The following ERLIN1 variants were observed in gnomAD, a reference collection of about 807,000 sequenced individuals.
The protein encoded by ERLIN1 is erlin-1.
ERLIN1 carries 24 observed loss-of-function variants against 46.9 expected under a neutral mutation model. The ratio of observed to expected loss-of-function variants is 0.51; its 90% CI spans 0.37 to 0.72. The LOEUF (loss-of-function observed/expected upper bound fraction) is 0.72, where lower values mean the gene tolerates loss of function less well. Ranked by LOEUF, ERLIN1 falls within the 30% of genes least tolerant of loss-of-function variation. ERLIN1 has a pLI of 0.00. For synonymous variants in ERLIN1, 158 were observed against 143.2 expected, an observed-to-expected ratio of 1.10 and a Z score of -0.74; for missense variants, 293 against 417.9, an observed-to-expected ratio of 0.70 and a Z score of 2.61.
chr10:100,155,082 A>G lies in ERLIN1; in HGVS notation c.746-143T>C, dbSNP rs192374885. On this transcript the variant is annotated intron_variant, in intron 9 of 10. Coordinates refer to ENST00000421367, the MANE Select transcript of ERLIN1 (RefSeq NM_006459.4). ...AGCAGTTTTCAAGTCCCAGTCCCCAAACAGCAACTTCTCTACGAGGAATAC... is the reference window on the plus strand; with the variant it reads ...AGCAGTTTTCAAGTCCCAGTCCCCAGACAGCAACTTCTCTACGAGGAATAC... 8.0e-4 allele frequency: 512 copies of G among 637,268 alleles called. 1 individual carries two copies. Among genetic ancestry groups the G allele is most frequent in the Non-Finnish European group, 1.3e-3 (470 of 360,598 alleles). 39.5% of individuals were successfully genotyped at this position (637,268 alleles called of 1,614,324 possible).
At chr10:100,175,501 T>A (rs1214577997) in intron 5 of ERLIN1, among the ~76,000 whole-genome samples, 1 of 152,214 alleles carries the variant, frequency 6.6e-6, no homozygotes, top group Non-Finnish European at 1.5e-5. Flanking sequence ...CTTGGAAGCC[T>A]GCACCTGCTT....
At chr10:100,174,876 T>C (rs1011187627) in intron 5 of ERLIN1, among the ~76,000 whole-genome samples, 2 of 152,194 alleles carry the variant, frequency 1.3e-5, no homozygotes, top group Admixed American at 1.3e-4. Context: ...CTTGTAACTA[T>C]GCACTTTCTA....
chr10:100,152,257 G>A lies in ERLIN1; in HGVS notation c.921C>T (p.Phe307=), dbSNP rs1429094011. The part of the protein sequence containing the change: ...IYFGSNIPNM[F]VDSSCALKYS... Reference sequence around the variant, plus strand: ...ATTTCAAAGCACATGAGGAGTCCACGAACATGTTAGGGATGTTGCTGCCAA... The same window carrying A: ...ATTTCAAAGCACATGAGGAGTCCACAAACATGTTAGGGATGTTGCTGCCAA... Residue 307 remains phenylalanine, a synonymous_variant, in exon 11 of 11, where the codon TTC becomes TTT. Transcript: ENST00000421367. The A allele has an allele frequency of 5.6e-6, 9 of 1,611,272 alleles. No individual in the cohort carries two copies. The East Asian group carries it at 8.9e-5, about 16-fold the overall frequency.
rs1384454002 is a variant in ERLIN1 at position 100,151,369 on chromosome 10, C to CAATGCAGGG, written c.*753_*761dup. 1 of 153,132 alleles carries CAATGCAGGG rather than the reference C, an allele frequency of 6.5e-6. No homozygotes were observed. Among genetic ancestry groups the CAATGCAGGG allele is most frequent in the Non-Finnish European group, 1.5e-5 (1 of 68,654 alleles). 9.5% of individuals were successfully genotyped at this position (153,132 alleles called of 1,614,324 possible). A position where few individuals can be genotyped will look rare whatever the true frequency, so the allele number is the denominator to read the frequency against. The stretch of plus-strand genomic sequence containing the variant: ...GCAGTGATGCTGACAGTCATCAACC[C>CAATGCAGGG]AATGCAGGGAATGCAAGGCCCCAGA... On this transcript the variant is annotated 3_prime_UTR_variant, in exon 11 of 11. Coordinates refer to ENST00000421367, the MANE Select transcript of ERLIN1 (RefSeq NM_006459.4).
At chr10:100,178,807 G>C (rs542417847) in intron 3 of ERLIN1, among the ~76,000 whole-genome samples, 2 of 152,130 alleles carry the variant, frequency 1.3e-5, no homozygotes, top group Non-Finnish European at 2.9e-5. Context: ...AGGAAACTAA[G>C]CTTTAAAGTG....
chr10:100,182,395 GT>G (rs915138427), intron 2 of ERLIN1, among the ~76,000 whole-genome samples: 5 of 152,024 alleles, frequency 3.3e-5, no homozygotes, highest in Non-Finnish European at 5.9e-5. Flanking sequence ...TGTTTCGGCT[GT>G]TGATGAGGTT....
chr10:100,183,866 A>C, intron 1 of ERLIN1, 29 bp from the exon 2 acceptor site: 1 of 1,519,700 alleles, frequency 6.6e-7, no homozygotes, highest in Non-Finnish European at 9.1e-7. Flanking sequence ...ATTTGACAAA[A>C]TTATAAAAAG....
chr10:100,178,369 T>C (rs956881952), intron 3 of ERLIN1, among the ~76,000 whole-genome samples, 175 bp from the exon 4 acceptor site: 1 of 152,246 alleles, frequency 6.6e-6, no homozygotes, highest in South Asian at 2.1e-4. Context: ...ATGTCTTTTT[T>C]ACACTTGTAA....
intron 2 of ERLIN1, 93 bp downstream of exon 2, chr10:100,183,663 A>T: frequency 1.3e-6 from 1 of 770,334 alleles, no homozygotes; most frequent in South Asian, 1.7e-5. Context: ...CCATCTGCTT[A>T]AGCAATAAGG....
At chr10:100,183,567 T>C (rs1374730279) in intron 2 of ERLIN1, among the ~76,000 whole-genome samples, 189 bp downstream of exon 2, 1 of 152,232 alleles carries the variant, frequency 6.6e-6, no homozygotes, top group Non-Finnish European at 1.5e-5. Context: ...TTAATTCATT[T>C]CAAGTAAGTG....
At position 100,151,418 on chromosome 10, in the gene ERLIN1, C is replaced by G. The variant is rs1842796547; in HGVS notation, c.*713G>C. The G allele has an allele frequency of 6.5e-6, 1 of 154,952 alleles. No individual in the cohort carries two copies. The highest frequency in any genetic ancestry group is 2.4e-5 in the African/African-American group (1 of 41,464). The allele number at this position is 154,952 out of a possible 1,614,324, so 9.6% of individuals were successfully genotyped here. A position where few individuals can be genotyped will look rare whatever the true frequency, so the allele number is the denominator to read the frequency against. On this transcript the variant is annotated 3_prime_UTR_variant, in exon 11 of 11. Coordinates refer to ENST00000421367, the MANE Select transcript of ERLIN1 (RefSeq NM_006459.4). ...GAGCTTTGGCTCAGAGCAAAGGTTT[C>G]ATCTCACCCCAACTTCAAACCAAGC...
Position 100,178,119 on chromosome 10 carries a change from G to A in ERLIN1, c.304+14C>T, listed in dbSNP as rs1465339451. On this transcript the variant is annotated intron_variant, in intron 4 of 10. Coordinates refer to ENST00000421367, the MANE Select transcript of ERLIN1 (RefSeq NM_006459.4). ...GCTATAACTATAAAAACCACAGGTAGATGGGTAACATACCTGCATAAGGAG... is the reference window on the plus strand; with the variant it reads ...GCTATAACTATAAAAACCACAGGTAAATGGGTAACATACCTGCATAAGGAG... The A allele has an allele frequency of 1.3e-6, 2 of 1,533,898 alleles. No individual in the cohort carries two copies. Among genetic ancestry groups the A allele is most frequent in the Non-Finnish European group, 1.8e-6 (2 of 1,122,034 alleles).
chr10:100,164,213 A>G lies in ERLIN1; in HGVS notation c.564-118T>C, dbSNP rs112675727. 152 of 622,090 alleles carry G rather than the reference A, an allele frequency of 2.4e-4. No individual in the cohort carries two copies. In the African/African-American group the frequency reaches 2.5e-3, roughly 10 times the overall value. 38.5% of individuals were successfully genotyped at this position (622,090 alleles called of 1,614,324 possible). A position where few individuals can be genotyped will look rare whatever the true frequency, so the allele number is the denominator to read the frequency against. On this transcript the variant is annotated intron_variant, in intron 7 of 10. Transcript: ENST00000421367. ...TTTGTCAACATGAGCTTTTGGACCC[A>G]TTAAGGTAGGTTAAGAGAGGTGTTA...
chr10:100,183,623 A>G lies in ERLIN1; in HGVS notation c.195+133T>C, dbSNP rs1844786372. On this transcript the variant is annotated intron_variant, in intron 2 of 10. Transcript: ENST00000421367. ...TTGTGTTGTAACAACTGTACTCTGA[A>G]CGTTAACTTCTGCATTTAAGTAAAT... The G allele has an allele frequency of 7.0e-6, 4 of 572,470 alleles. No homozygotes were observed. The East Asian group carries it at 1.1e-4, about 16-fold the overall frequency. 35.5% of individuals were successfully genotyped at this position (572,470 alleles called of 1,614,324 possible). A position where few individuals can be genotyped will look rare whatever the true frequency, so the allele number is the denominator to read the frequency against.
intron 7 of ERLIN1, 139 bp from the exon 8 acceptor site, chr10:100,164,234 T>G: frequency 1.8e-6 from 1 of 567,448 alleles, no homozygotes; most frequent in Non-Finnish European, 3.1e-6. Flanking sequence ...TTAAGAGAGG[T>G]GTTACTTTAT....
intron 7 of ERLIN1, among the ~76,000 whole-genome samples, chr10:100,165,496 C>T (rs7902269): frequency 1.3e-5 from 2 of 151,292 alleles, no homozygotes; most frequent in Non-Finnish European, 2.9e-5. Flanking sequence ...ACGCCATTCT[C>T]CTGCCTCAGC....
In ERLIN1 at chr10:100,185,803, T is replaced by G. The variant is rs1844939178; in HGVS notation, c.-177A>C. The stretch of plus-strand genomic sequence containing the variant: ...CTTCTGGCTGAGCCCGCTGACCCCT[T>G]GCCAACTCCTCCGCCCCCGGAGGCC... On this transcript the variant is annotated 5_prime_UTR_variant, in exon 1 of 11. Transcript: ENST00000421367. The G allele has an allele frequency of 1.7e-6, 1 of 597,076 alleles. No homozygotes were observed. Among genetic ancestry groups the G allele is most frequent in the Non-Finnish European group, 3.0e-6 (1 of 334,066 alleles). The allele number at this position is 597,076 out of a possible 1,614,324, so 37.0% of individuals were successfully genotyped here. A position where few individuals can be genotyped will look rare whatever the true frequency, so the allele number is the denominator to read the frequency against.
chr10:100,152,387 A>G, intron 10 of ERLIN1, 35 bp from the exon 11 acceptor site: 3 of 1,178,038 alleles, frequency 2.5e-6, no homozygotes, highest in Non-Finnish European at 2.6e-6. Flanking sequence ...AGGCATCAGA[A>G]TACTCTGGTG....
At chr10:100,165,881 A>T (rs532363957) in intron 7 of ERLIN1, among the ~76,000 whole-genome samples, 1 of 152,090 alleles carries the variant, frequency 6.6e-6, no homozygotes, top group Non-Finnish European at 1.5e-5. Context: ...GCCTGCCACC[A>T]TGTCCAGCTA....
Sources: gnomAD v4.1 joint callset for allele counts (sites outside exome capture counted in the v4.1 genomes callset) on GRCh38, gnomAD v4.1.1 for gene constraint, MANE v1.5 for transcripts, NCBI Gene and HGNC (gene_info 2026-07-23, HGNC 2026-07-21) for gene names.